ITPR1: variants seen among roughly 807,000 people sequenced by gnomAD.
ITPR1 encodes the protein inositol 1,4,5-trisphosphate-gated calcium channel ITPR1.
Under a neutral mutation model 318.4 loss-of-function variants are expected in ITPR1, and 96 were observed. The ratio of observed to expected loss-of-function variants is 0.30; its 90% CI spans 0.26 to 0.36. The LOEUF (loss-of-function observed/expected upper bound fraction) is 0.36, where lower values mean the gene tolerates loss of function less well. ITPR1 is among the 10% of genes least tolerant of loss of function. The probability of loss-of-function intolerance (pLI) is 1.00; values close to 1 mark genes in which losing one functional copy is unlikely to be tolerated. For synonymous variants in ITPR1, 1,312 were observed against 1,289.9 expected (o/e 1.02, Z -0.37); for missense variants, 2,440 against 3,460.2 (o/e 0.71, Z 7.40).
intron 4 of ITPR1, among the ~76,000 whole-genome samples, chr3:4,616,167 A>G (rs2092380865): frequency 6.6e-6 from 1 of 151,968 alleles, no homozygotes; most frequent in Admixed American, 6.5e-5. Flanking sequence ...CTTGCTGGAG[A>G]TTTTCCTTGT....
chr3:4,741,040 T>C (rs1451810777), intron 44 of ITPR1, among the ~76,000 whole-genome samples: 2 of 152,180 alleles, frequency 1.3e-5, no homozygotes, highest in African/African-American at 2.4e-5. Flanking sequence ...GGCACTTTCA[T>C]ATCCGTCCTT....
intron 59 of ITPR1, 148 bp downstream of exon 59, chr3:4,815,366 T>G (rs1366114712): frequency 1.8e-5 from 12 of 667,188 alleles, no homozygotes. Flanking sequence ...TCTTCTACCC[T>G]CTGCCGTGAG....
intron 61 of ITPR1, among the ~76,000 whole-genome samples, chr3:4,837,987 C>T (rs958353109): frequency 1.6e-4 from 24 of 152,110 alleles, no homozygotes; most frequent in African/African-American, 5.6e-4. Context: ...GGTACACCCA[C>T]GGGTGATTTA....
At position 4,729,766 on chromosome 3, in the gene ITPR1, A is replaced by G. The variant is rs1026481812; in HGVS notation, c.5220+2593A>G. 1.7e-4 allele frequency among the ~76,000 whole-genome samples: 26 copies of G among 152,186 alleles called. No individual in the cohort carries two copies. In the Middle Eastern group the frequency reaches 0.01, roughly 60 times the overall value. ...ATTACAAATGACTTTTTCTTTTCTC[A>G]GTCTTAGGTAATAATGTGTGGGAAT... On this transcript the variant is annotated intron_variant, in intron 42 of 61. Transcript: ENST00000649015.
At chr3:4,758,463 G>T (rs1260090921) in intron 44 of ITPR1, among the ~76,000 whole-genome samples, 1 of 152,186 alleles carries the variant, frequency 6.6e-6, no homozygotes, top group East Asian at 1.9e-4. Context: ...TGGTCTGGTG[G>T]CCCAGAAACG....
intron 39 of ITPR1, among the ~76,000 whole-genome samples, chr3:4,716,335 T>C (rs1406682673): frequency 6.6e-6 from 1 of 152,242 alleles, no homozygotes; most frequent in Non-Finnish European, 1.5e-5. Context: ...TTATGTATTA[T>C]TAATAACTGG....
intron 41 of ITPR1, 44 bp downstream of exon 41, chr3:4,725,625 T>G (rs531355730): frequency 6.5e-7 from 1 of 1,528,200 alleles, no homozygotes; most frequent in Non-Finnish European, 9.0e-7. Flanking sequence ...CCAGCAAATA[T>G]GGATGCCTCT....
At chr3:4,645,839 T>C in intron 10 of ITPR1, 111 bp downstream of exon 10, 1 of 970,900 alleles carries the variant, frequency 1.0e-6, no homozygotes. Context: ...CCTATATGTG[T>C]CTATACACCC....
chr3:4,796,344 A>G (rs563105268), intron 53 of ITPR1, among the ~76,000 whole-genome samples: 40 of 151,740 alleles, frequency 2.6e-4, no homozygotes, highest in Non-Finnish European at 4.1e-4. Flanking sequence ...GCCCGTGTCT[A>G]TGTCTAAAAA....
chr3:4,774,756 A>G (rs1228410652), intron 46 of ITPR1, among the ~76,000 whole-genome samples: 1 of 152,236 alleles, frequency 6.6e-6, no homozygotes, highest in Admixed American at 6.5e-5. Context: ...GGCTCCTGCC[A>G]CATGGCACTG....
At chr3:4,624,589 G>T (rs892207441) in intron 4 of ITPR1, among the ~76,000 whole-genome samples, 2 of 145,370 alleles carry the variant, frequency 1.4e-5, no homozygotes, top group Middle Eastern at 3.3e-3. Flanking sequence ...AGAATCACTT[G>T]AACCCGGGAG....
intron 44 of ITPR1, among the ~76,000 whole-genome samples, chr3:4,760,988 G>T (rs1367914204): frequency 6.6e-6 from 1 of 152,204 alleles, no homozygotes; most frequent in Non-Finnish European, 1.5e-5. Context: ...GGACATGTCT[G>T]CGGGGACCAT....
At position 4,524,288 on chromosome 3, in the gene ITPR1, A is replaced by G. The variant is rs1206502084; in HGVS notation, c.163+3194A>G. 2.8e-5 allele frequency among the ~76,000 whole-genome samples: 4 copies of G among 142,304 alleles called. No individual in the cohort carries two copies. In the Admixed American group the frequency reaches 2.9e-4, roughly 10 times the overall value. The allele number at this position is 142,304 out of a possible 152,430, so 93.4% of individuals were successfully genotyped here. A position where few individuals can be genotyped will look rare whatever the true frequency, so the allele number is the denominator to read the frequency against. On this transcript the variant is annotated intron_variant, in intron 4 of 61. Transcript: ENST00000649015. ...CAAAGCATTCCTTCAACTGCGGTGC[A>G]GCATACTTTGACGTTTTTTTTTTTT...
chr3:4,709,719 A>G (rs1280392440), intron 37 of ITPR1, among the ~76,000 whole-genome samples: 1 of 152,204 alleles, frequency 6.6e-6, no homozygotes, highest in African/African-American at 2.4e-5. Context: ...GAAGACCATC[A>G]TGCTATCAGG....
In ITPR1 at chr3:4,618,483, A is replaced by G. The variant is rs539302517; in HGVS notation, c.164-9280A>G. 2.6e-5 allele frequency among the ~76,000 whole-genome samples: 4 copies of G among 152,328 alleles called. No individual in the cohort carries two copies. In the South Asian group the frequency reaches 8.3e-4, roughly 32 times the overall value. ...AGTTATGTCCCAGTTTTCTGGCTAA[A>G]CTAATATTCAGTCTTAATATTTTTA... On this transcript the variant is annotated intron_variant, in intron 4 of 61. Coordinates refer to ENST00000649015, the MANE Select transcript of ITPR1 (RefSeq NM_001378452.1).
At chr3:4,796,644 A>G (rs1356394208) in intron 53 of ITPR1, among the ~76,000 whole-genome samples, 1 of 152,188 alleles carries the variant, frequency 6.6e-6, no homozygotes, top group Admixed American at 6.5e-5. Context: ...CATTTGTGGC[A>G]GCATTCAGGC....
intron 12 of ITPR1, among the ~76,000 whole-genome samples, chr3:4,655,727 T>C (rs2093691942): frequency 6.6e-6 from 1 of 152,126 alleles, no homozygotes; most frequent in Non-Finnish European, 1.5e-5. Context: ...CTTTTTGGCG[T>C]CAGAGAGGCG....
chr3:4,549,995 C>G (rs2124996200), intron 4 of ITPR1, among the ~76,000 whole-genome samples: 1 of 152,308 alleles, frequency 6.6e-6, no homozygotes, highest in South Asian at 2.1e-4. Context: ...CTTGAGACAA[C>G]CCTTCAATGC....
At chr3:4,764,955 T>C (rs2045711119) in intron 44 of ITPR1, among the ~76,000 whole-genome samples, 1 of 47,768 alleles carries the variant, frequency 2.1e-5, no homozygotes, top group African/African-American at 1.2e-4. Context: ...GCTGGATGGA[T>C]GGATGGATGG....
Sources: gnomAD v4.1 joint callset for allele counts (sites outside exome capture counted in the v4.1 genomes callset) on GRCh38, gnomAD v4.1.1 for gene constraint, MANE v1.5 for transcripts, NCBI Gene and HGNC (gene_info 2026-07-23, HGNC 2026-07-21) for gene names.